Variants in PCDHA5 observed in about 807,000 individuals in gnomAD.
PCDHA5 encodes the protein protocadherin alpha-5.
In PCDHA5, 43 loss-of-function variants were observed where a neutral mutation model predicts 61.6. The ratio of observed to expected loss-of-function variants is 0.70; its 90% confidence interval spans 0.55 to 0.90. PCDHA5 has a LOEUF of 0.90. PCDHA5 is among the 40% of genes least tolerant of loss of function. The pLI is 0.00. For missense variants in PCDHA5, 1,298 were observed against 1,222.7 expected (o/e 1.06, Z -0.92); for synonymous variants, 627 against 543.9 (o/e 1.15, Z -2.13).
chr5:140,977,232 A>G (rs2096751038), intron 1 of PCDHA5, among the ~76,000 whole-genome samples: 1 of 152,368 alleles, frequency 6.6e-6, no homozygotes, highest in East Asian at 1.9e-4. Flanking sequence ...ACCCAATCAT[A>G]GAAAAATTGG....
At chr5:141,002,085 A>G (rs959603404) in intron 3 of PCDHA5, among the ~76,000 whole-genome samples, 1 of 152,244 alleles carries the variant, frequency 6.6e-6, no homozygotes, top group African/African-American at 2.4e-5. Context: ...AAGAACGAGC[A>G]GTCCAGGGGC....
Position 140,946,631 on chromosome 5 carries a change from T to TATATACAC in PCDHA5, c.2353-32317_2353-32316insTATACACA, listed in dbSNP as rs57893927. Among the ~76,000 whole-genome samples, 48 of 131,820 alleles carry TATATACAC rather than the reference T, an allele frequency of 3.6e-4. 1 individual carries two copies. Among genetic ancestry groups the TATATACAC allele is most frequent in the South Asian group, 8.9e-4 (4 of 4,516 alleles). The allele number at this position is 131,820 out of a possible 152,430, so 86.5% of individuals were successfully genotyped here. A position where few individuals can be genotyped will look rare whatever the true frequency, so the allele number is the denominator to read the frequency against. ...TGTGAAATATATATATATATATATA[T>TATATACAC]ACAATGGAATACTCATCAGCCATTA... is the stretch of plus-strand genomic sequence containing the variant. On this transcript the variant is annotated intron_variant, in intron 1 of 3. Coordinates refer to ENST00000529859, the MANE Select transcript of PCDHA5 (RefSeq NM_018908.3).
In PCDHA5 at chr5:140,877,394, A is replaced by G. The variant is rs538259450; in HGVS notation, c.2352+53267A>G. 5.6e-6 allele frequency: 9 copies of G among 1,613,930 alleles called. No individual in the cohort carries two copies. In the South Asian group the frequency reaches 8.8e-5, roughly 16 times the overall value. On this transcript the variant is annotated intron_variant, in intron 1 of 3. Transcript: ENST00000529859. ...ACGACACGCATCCTGGATGAGGCGG[A>G]CGCTCCGCGCCACCGCCTGCTGGTG... is the stretch of plus-strand genomic sequence containing the variant.
In PCDHA5 at chr5:140,927,251, A is replaced by G. The variant is rs782356440; in HGVS notation, c.2353-51698A>G. The G allele has an allele frequency of 7.4e-6, 12 of 1,613,434 alleles. No homozygotes were observed. The Admixed American group carries it at 1.2e-4, about 16-fold the overall frequency. On this transcript the variant is annotated intron_variant, in intron 1 of 3. Transcript: ENST00000529859. The stretch of plus-strand genomic sequence containing the variant: ...ATTCACGTCCTGGACACCAATGACA[A>G]CTCACCTCTCTTTCCTGCCGGCGAC...
Position 141,011,828 on chromosome 5 carries a change from T to C in PCDHA5, c.*1891T>C, listed in dbSNP as rs76856184. The C allele has an allele frequency of 2.5e-3, 389 of 153,920 alleles. 1 individual carries two copies. Among genetic ancestry groups the C allele is most frequent in the African/African-American group, 9.1e-3 (378 of 41,598 alleles). The allele number at this position is 153,920 out of a possible 1,614,324, so 9.5% of individuals were successfully genotyped here. ...GCTCATAGAAAGTAACAAAATTTGC[T>C]GTCACCTTAAATAAGACATTTTAAT... On this transcript the variant is annotated 3_prime_UTR_variant, in exon 4 of 4. Transcript: ENST00000529859.
intron 1 of PCDHA5, chr5:140,858,100 C>A (rs368579908): frequency 1.9e-6 from 3 of 1,597,702 alleles, no homozygotes; most frequent in South Asian, 1.1e-5. Context: ...CTTCAGTGGG[C>A]GTGGCGCCCG....
chr5:140,869,428 A>T, intron 1 of PCDHA5: 1 of 1,614,214 alleles, frequency 6.2e-7, no homozygotes, highest in Non-Finnish European at 8.5e-7. Context: ...CCTGGAGGTG[A>T]TCGTGGACAG....
At chr5:140,972,500 T>C (rs1554234162) in intron 1 of PCDHA5, among the ~76,000 whole-genome samples, 1 of 152,108 alleles carries the variant, frequency 6.6e-6, no homozygotes, top group Non-Finnish European at 1.5e-5. Flanking sequence ...AATCTGTTGG[T>C]AGATTTTACC....
chr5:140,856,342 C>T (rs1286159283), intron 1 of PCDHA5: 3 of 1,598,498 alleles, frequency 1.9e-6, no homozygotes, highest in Non-Finnish European at 2.6e-6. Context: ...GCGGGCGGAG[C>T]GTGGAGTGCA....
chr5:140,836,439 AT>A (rs1774485155), intron 1 of PCDHA5: 1 of 1,613,702 alleles, frequency 6.2e-7, no homozygotes, highest in Admixed American at 1.7e-5. Context: ...ATCGTTGGGC[AT>A]TGCAGGCCCA....
chr5:140,881,579 C>T (rs1299755224), intron 1 of PCDHA5, among the ~76,000 whole-genome samples: 1 of 152,168 alleles, frequency 6.6e-6, no homozygotes, highest in Non-Finnish European at 1.5e-5. Context: ...TCTCAAGTCA[C>T]ATTGAGGGAA....
intron 1 of PCDHA5, chr5:140,870,439 G>C (rs374343977): frequency 6.2e-7 from 1 of 1,614,126 alleles, no homozygotes; most frequent in African/African-American, 1.3e-5. Flanking sequence ...GGAGGTGGCC[G>C]ACGTGAACGA....
intron 1 of PCDHA5, chr5:140,866,939 C>A (rs2049664187): frequency 6.6e-6 from 1 of 152,126 alleles, no homozygotes; most frequent in Admixed American, 6.6e-5. Context: ...ATAATCTCTT[C>A]ACTAGGGGCT....
At chr5:140,882,049 T>G in intron 1 of PCDHA5, 2 of 752,814 alleles carry the variant, frequency 2.7e-6, no homozygotes, top group Non-Finnish European at 4.1e-6. Context: ...TGAGTCATAC[T>G]TACACTTACA....
At chr5:140,844,475 T>C (rs1474799888) in intron 1 of PCDHA5, among the ~76,000 whole-genome samples, 1 of 148,876 alleles carries the variant, frequency 6.7e-6, no homozygotes. Flanking sequence ...TTTTTGAGCC[T>C]CTATGTTTAG....
chr5:140,972,469 C>G (rs782470724), intron 1 of PCDHA5, among the ~76,000 whole-genome samples: 6 of 152,054 alleles, frequency 3.9e-5, no homozygotes, highest in Admixed American at 3.9e-4. Context: ...TATTAAACAT[C>G]AGCATTTAAC....
rs116346509 is a variant in PCDHA5 at position 140,904,582 on chromosome 5, G to A, written c.2353-74367G>A. ...TTTTTTTCCTCTGGGTAGACACCCA[G>A]TAGTGGGACTGCTGGATCAAATAGT... On this transcript the variant is annotated intron_variant, in intron 1 of 3. Transcript: ENST00000529859. Among the ~76,000 whole-genome samples, 650 of 152,092 alleles carry A rather than the reference G, an allele frequency of 4.3e-3. 5 individuals are homozygous for A. The highest frequency in any genetic ancestry group is 5.5e-3 in the Non-Finnish European group (373 of 67,986).
At chr5:140,963,722 T>G (rs948660694) in intron 1 of PCDHA5, among the ~76,000 whole-genome samples, 2 of 152,242 alleles carry the variant, frequency 1.3e-5, no homozygotes, top group Non-Finnish European at 2.9e-5. Flanking sequence ...ACATATAGAC[T>G]GCCAACTAAG....
intron 1 of PCDHA5, among the ~76,000 whole-genome samples, chr5:140,833,632 C>T (rs1228908816): frequency 6.6e-6 from 1 of 152,104 alleles, no homozygotes; most frequent in Non-Finnish European, 1.5e-5. Context: ...ACTTCCTCCT[C>T]AAAAAGTTCA....
Sources: gnomAD v4.1 joint callset for allele counts (sites outside exome capture counted in the v4.1 genomes callset) on GRCh38, gnomAD v4.1.1 for gene constraint, MANE v1.5 for transcripts, NCBI Gene and HGNC (gene_info 2026-07-23, HGNC 2026-07-21) for gene names.